Variants in PCDH15 observed in about 807,000 individuals in gnomAD.
PCDH15 encodes protocadherin-15.
Under a neutral mutation model 178.5 loss-of-function variants are expected in PCDH15, and 129 were observed. That is an observed-to-expected ratio of 0.72 (90% CI 0.63 to 0.84). The LOEUF (loss-of-function observed/expected upper bound fraction) is 0.84, where lower values mean the gene tolerates loss of function less well. Ranked by LOEUF, PCDH15 falls within the 40% of genes least tolerant of loss-of-function variation. The probability of loss-of-function intolerance (pLI) is 0.00; values close to 1 mark genes in which losing one functional copy is unlikely to be tolerated. For synonymous variants in PCDH15, 800 were observed against 732.0 expected (o/e 1.09, Z -1.50); for missense variants, 2,230 against 2,099.9 (o/e 1.06, Z -1.21).
chr10:54,819,953 C>T (rs1354421995), intron 3 of PCDH15, among the ~76,000 whole-genome samples: 1 of 151,926 alleles, frequency 6.6e-6, no homozygotes, highest in Admixed American at 6.6e-5. Flanking sequence ...TATCATTTAG[C>T]CTTATAACTA....
chr10:54,024,695 G>A (rs2093029692), intron 18 of PCDH15, among the ~76,000 whole-genome samples: 1 of 152,118 alleles, frequency 6.6e-6, no homozygotes, highest in Non-Finnish European at 1.5e-5. Context: ...AATACCTGAA[G>A]AGAAAAAATA....
intron 3 of PCDH15, among the ~76,000 whole-genome samples, chr10:54,833,638 C>A (rs1266907371): frequency 6.6e-6 from 1 of 152,168 alleles, no homozygotes; most frequent in African/African-American, 2.4e-5. Context: ...GTCATGTAAG[C>A]CAGTTCCTAA....
intron 1 of PCDH15, among the ~76,000 whole-genome samples, chr10:55,275,760 A>T (rs61432474): frequency 0.09 from 13,280 of 147,602 alleles, 1,408 homozygotes; most frequent in African/African-American, 0.26. Flanking sequence ...GAACTTATTT[A>T]CATATTGTAG....
intron 5 of PCDH15, among the ~76,000 whole-genome samples, chr10:54,349,884 C>T (rs1318281437): frequency 6.6e-6 from 1 of 152,062 alleles, no homozygotes; most frequent in Non-Finnish European, 1.5e-5. Flanking sequence ...AATATGAGCT[C>T]ATTTTGTGTG....
At chr10:54,664,655 A>G (rs1280593948) in intron 1 of PCDH15, among the ~76,000 whole-genome samples, 1 of 152,032 alleles carries the variant, frequency 6.6e-6, no homozygotes, top group Admixed American at 6.6e-5. Context: ...ATAATTTTAC[A>G]ACAAAGTGTA....
At chr10:54,575,998 A>T (rs1318484086) in intron 2 of PCDH15, among the ~76,000 whole-genome samples, 1 of 152,178 alleles carries the variant, frequency 6.6e-6, no homozygotes, top group Non-Finnish European at 1.5e-5. Flanking sequence ...CGCCCTGGCC[A>T]ATGGCCAATT....
intron 3 of PCDH15, among the ~76,000 whole-genome samples, chr10:54,513,600 A>T (rs968087688): frequency 2.6e-5 from 4 of 152,374 alleles, no homozygotes; most frequent in African/African-American, 9.6e-5. Flanking sequence ...ACTTGAAATT[A>T]AAAAGAATCA....
intron 17 of PCDH15, among the ~76,000 whole-genome samples, chr10:54,076,192 T>C (rs1360559157): frequency 6.6e-6 from 1 of 152,126 alleles, no homozygotes; most frequent in Non-Finnish European, 1.5e-5. Context: ...TTAAGTTAAT[T>C]CCTGAGTATT....
intron 2 of PCDH15, among the ~76,000 whole-genome samples, chr10:55,620,999 G>A (rs915984181): frequency 7.3e-5 from 11 of 151,518 alleles, no homozygotes; most frequent in Non-Finnish European, 1.0e-4. Context: ...TAATGCATTA[G>A]TAAAAACTGT....
intron 18 of PCDH15, among the ~76,000 whole-genome samples, chr10:54,066,401 T>A (rs2094137761): frequency 6.6e-6 from 1 of 152,132 alleles, no homozygotes; most frequent in African/African-American, 2.4e-5. Flanking sequence ...TGTAATGAAT[T>A]CAAATCTAAA....
intron 1 of PCDH15, among the ~76,000 whole-genome samples, chr10:54,752,530 A>AAAC (rs1566128772): frequency 0.011 from 481 of 43,842 alleles, 108 homozygotes; most frequent in Middle Eastern, 0.026. Context: ...ACAAACAAAC[A>AAAC]AAAAAAAACA....
chr10:54,843,852 T>C (rs921563361), intron 3 of PCDH15, among the ~76,000 whole-genome samples: 6 of 151,924 alleles, frequency 3.9e-5, no homozygotes, highest in African/African-American at 1.4e-4. Context: ...GGAAAATACA[T>C]GACAAATGGC....
At chr10:55,280,444 A>ATTT (rs1170034467) in intron 1 of PCDH15, among the ~76,000 whole-genome samples, 11 of 92,030 alleles carry the variant, frequency 1.2e-4, no homozygotes, top group South Asian at 6.8e-4. Context: ...GCACCCAGCT[A>ATTT]TTTTTTTTTT....
intron 23 of PCDH15, among the ~76,000 whole-genome samples, chr10:53,949,617 A>T (rs2086850894): frequency 6.6e-6 from 1 of 152,184 alleles, no homozygotes; most frequent in South Asian, 2.1e-4. Context: ...ATGCACCTAA[A>T]GTCGCAGCTA....
intron 2 of PCDH15, among the ~76,000 whole-genome samples, chr10:55,470,193 A>G (rs1839924961): frequency 1.3e-5 from 2 of 152,038 alleles, no homozygotes; most frequent in Non-Finnish European, 2.9e-5. Flanking sequence ...CCTACTAAAA[A>G]TACAAAAATT....
chr10:54,929,167 T>G (rs975801509), intron 2 of PCDH15, among the ~76,000 whole-genome samples: 4 of 152,202 alleles, frequency 2.6e-5, no homozygotes, highest in Non-Finnish European at 5.9e-5. Flanking sequence ...ATTGAATGGC[T>G]TTCTTTCTGG....
chr10:55,065,577 G>A (rs1287213714), intron 2 of PCDH15, among the ~76,000 whole-genome samples: 2 of 151,952 alleles, frequency 1.3e-5, no homozygotes, highest in East Asian at 1.9e-4. Context: ...ACCACTCTAT[G>A]AACCCAGGAG....
intron 2 of PCDH15, among the ~76,000 whole-genome samples, chr10:54,573,122 G>A (rs7075872): frequency 0.94 from 142,408 of 152,140 alleles, 66,925 homozygotes; most frequent in Middle Eastern, 0.98. Context: ...TTATACATGC[G>A]TATATATAAT....
intron 2 of PCDH15, among the ~76,000 whole-genome samples, chr10:55,494,926 C>A (rs1840498682): frequency 6.6e-6 from 1 of 151,696 alleles, no homozygotes; most frequent in South Asian, 2.1e-4. Context: ...AGTATAGACA[C>A]ACAGATTAAT....
Sources: gnomAD v4.1 joint callset for allele counts (sites outside exome capture counted in the v4.1 genomes callset) on GRCh38, gnomAD v4.1.1 for gene constraint, MANE v1.5 for transcripts, NCBI Gene and HGNC (gene_info 2026-07-23, HGNC 2026-07-21) for gene names.